Variants in KIF26B observed in about 807,000 individuals in gnomAD.
KIF26B encodes kinesin-like protein KIF26B.
In KIF26B, 63 loss-of-function variants were observed where a neutral mutation model predicts 151.2. That is an observed-to-expected ratio of 0.42 (90% confidence interval 0.34 to 0.51). The LOEUF is 0.51. KIF26B is among the 20% of genes least tolerant of loss of function. The pLI, the probability that KIF26B is intolerant of heterozygous loss-of-function variation, is 0.07. For synonymous variants in KIF26B, 1,357 were observed against 1,262.1 expected (o/e 1.08, Z -1.59); for missense variants, 2,813 against 2,913.6 (o/e 0.97, Z 0.79).
At chr1:245,568,184 C>CAAAAAAAAAAAAA (rs61494632) in intron 5 of KIF26B, among the ~76,000 whole-genome samples, 1 of 28,704 alleles carries the variant, frequency 3.5e-5, no homozygotes, top group African/African-American at 1.3e-4. Flanking sequence ...AACTCCATCT[C>CAAAAAAAAAAAAA]AAAAAAAAAA....
Position 245,194,122 on chromosome 1 carries a change from G to A in KIF26B, c.465+37439G>A, listed in dbSNP as rs567846639. Among the ~76,000 whole-genome samples, 17 of 152,300 alleles carry A rather than the reference G, an allele frequency of 1.1e-4. No individual in the cohort carries two copies. The South Asian group carries it at 2.1e-3, about 19-fold the overall frequency. The stretch of plus-strand genomic sequence containing the variant: ...GGAAAATGTGATTTTGTAGGAAGGC[G>A]TATGGTAGTTTCTTCCATATAAGGC... On this transcript the variant is annotated intron_variant, in intron 2 of 14. Transcript: ENST00000407071.
At chr1:245,489,327 A>G (rs187504141) in intron 4 of KIF26B, among the ~76,000 whole-genome samples, 128 of 152,336 alleles carry the variant, frequency 8.4e-4, no homozygotes, top group African/African-American at 3.0e-3. Context: ...ATGAATAAAC[A>G]TGGACTGGAC....
At chr1:245,207,222 A>G (rs1285985162) in intron 2 of KIF26B, among the ~76,000 whole-genome samples, 1 of 152,194 alleles carries the variant, frequency 6.6e-6, no homozygotes, top group East Asian at 1.9e-4. Context: ...CAAAAAAGAG[A>G]TTTCTCAGCA....
chr1:245,164,518 C>T (rs577485606), intron 2 of KIF26B, among the ~76,000 whole-genome samples: 4 of 152,344 alleles, frequency 2.6e-5, no homozygotes, highest in South Asian at 4.1e-4. Flanking sequence ...AGGCAAGGAA[C>T]GTGGCGAAGC....
At chr1:245,637,822 T>G (rs1381740144) in intron 9 of KIF26B, among the ~76,000 whole-genome samples, 3 of 151,990 alleles carry the variant, frequency 2.0e-5, no homozygotes, top group Non-Finnish European at 4.4e-5. Flanking sequence ...AGTGCATAGA[T>G]TTATTTCTGG....
At chr1:245,387,711 T>TA (rs1018847848) in intron 3 of KIF26B, among the ~76,000 whole-genome samples, 2 of 151,804 alleles carry the variant, frequency 1.3e-5, no homozygotes, top group African/African-American at 4.8e-5. Flanking sequence ...CGCAACAAAC[T>TA]AAAAAAAATC....
chr1:245,313,483 G>A (rs765488222), intron 2 of KIF26B, among the ~76,000 whole-genome samples: 2 of 152,218 alleles, frequency 1.3e-5, no homozygotes, highest in Non-Finnish European at 2.9e-5. Flanking sequence ...AGCCCTGCCC[G>A]ATGCACGGGC....
At position 245,708,465 on chromosome 1, in the gene KIF26B, G is replaced by T. The variant is rs1422874531; in HGVS notation, c.*5859G>T. On this transcript the variant is annotated 3_prime_UTR_variant, in exon 15 of 15. Transcript: ENST00000407071. ...ACATGAACACATACCATTCCTCTAAGGTGTGTGTACATACACGGATGTGTG... is the reference window on the plus strand; with the variant it reads ...ACATGAACACATACCATTCCTCTAATGTGTGTGTACATACACGGATGTGTG... 1 of 152,188 alleles carries T rather than the reference G, an allele frequency of 6.6e-6. No individual in the cohort carries two copies. The highest frequency in any genetic ancestry group is 1.5e-5 in the Non-Finnish European group (1 of 68,042). The allele number at this position is 152,188 out of a possible 1,614,324, so 9.4% of individuals were successfully genotyped here.
chr1:245,443,848 C>T (rs375508812), intron 4 of KIF26B, among the ~76,000 whole-genome samples: 144 of 31,626 alleles, frequency 4.6e-3, no homozygotes, highest in Middle Eastern at 0.045. Context: ...GGTCATCTCC[C>T]TCACTGTTCA....
intron 2 of KIF26B, among the ~76,000 whole-genome samples, chr1:245,266,982 TCTTATC>T (rs1670758786): frequency 6.6e-6 from 1 of 152,212 alleles, no homozygotes; most frequent in Non-Finnish European, 1.5e-5. Flanking sequence ...GTGGGCCTGG[TCTTATC>T]CTTATCCTTT....
intron 4 of KIF26B, among the ~76,000 whole-genome samples, chr1:245,506,079 G>A (rs4658782): frequency 0.24 from 36,365 of 152,008 alleles, 4,703 homozygotes; most frequent in Middle Eastern, 0.39. Flanking sequence ...TATTTCCATC[G>A]AATTTTAGCT....
chr1:245,214,611 A>G (rs528824950), intron 2 of KIF26B, among the ~76,000 whole-genome samples: 1 of 151,744 alleles, frequency 6.6e-6, no homozygotes, highest in South Asian at 2.1e-4. Context: ...ATGTGAGGCA[A>G]GTGGATCACC....
intron 4 of KIF26B, among the ~76,000 whole-genome samples, chr1:245,514,617 G>A (rs563360198): frequency 6.6e-6 from 1 of 152,248 alleles, no homozygotes; most frequent in South Asian, 2.1e-4. Context: ...TAAATTTGGA[G>A]AATGACCTGT....
chr1:245,385,345 T>C (rs1474860746), intron 3 of KIF26B, among the ~76,000 whole-genome samples: 1 of 152,236 alleles, frequency 6.6e-6, no homozygotes, highest in Non-Finnish European at 1.5e-5. Context: ...TTGGTACAAA[T>C]ATATTGATTA....
rs146017670 is a variant in KIF26B at position 245,621,244 on chromosome 1, T to C, written c.2098+9268T>C. 5.6e-4 allele frequency among the ~76,000 whole-genome samples: 86 copies of C among 152,342 alleles called. 1 individual carries two copies. Among genetic ancestry groups the C allele is most frequent in the African/African-American group, 1.9e-3 (81 of 41,580 alleles). On this transcript the variant is annotated intron_variant, in intron 9 of 14. Coordinates refer to ENST00000407071, the MANE Select transcript of KIF26B (RefSeq NM_018012.4). Reference sequence around the variant, plus strand: ...GCGAGTTAAAAGAGCTTCTGCATGCTTTCTGGTTAGCTTCGGATTTTCATC... The same window carrying C: ...GCGAGTTAAAAGAGCTTCTGCATGCCTTCTGGTTAGCTTCGGATTTTCATC...
At chr1:245,389,797 C>T (rs1244355969) in intron 3 of KIF26B, among the ~76,000 whole-genome samples, 2 of 152,152 alleles carry the variant, frequency 1.3e-5, no homozygotes, top group Admixed American at 6.5e-5. Context: ...ATATGAGAGA[C>T]GCCAGCCCAA....
chr1:245,600,159 C>T, intron 5 of KIF26B, among the ~76,000 whole-genome samples: 1 of 132,986 alleles, frequency 7.5e-6, no homozygotes, highest in African/African-American at 2.9e-5. Flanking sequence ...CTGCCTCAGC[C>T]TCCCGAGTAG....
intron 10 of KIF26B, among the ~76,000 whole-genome samples, chr1:245,678,869 GAAAA>G (rs35030829): frequency 1.4e-5 from 2 of 142,974 alleles, no homozygotes; most frequent in Non-Finnish European, 3.1e-5. Flanking sequence ...TCTCAAAAAA[GAAAA>G]AAAAAAAAGC....
chr1:245,155,457 TG>T lies in KIF26B; in HGVS notation c.34del (p.Ala12ArgfsTer11). 3 of 1,612,494 alleles carry T rather than the reference TG, an allele frequency of 1.9e-6. No individual in the cohort carries two copies. The highest frequency in any genetic ancestry group is 2.5e-6 in the Non-Finnish European group (3 of 1,179,274). Reference protein sequence around the residue: ...NSVAGNKERLAVSTRGKKYGV... With the variant: ...NSVAGNKERLXVSTRGKKYGV... The stretch of plus-strand genomic sequence containing the variant: ...CGGTAGCTGGGAATAAAGAGAGGCT[TG>T]CGGTCTCCACCAGGGGCAAGAAATA... On this transcript the variant is annotated frameshift_variant, in exon 1 of 15. Coordinates refer to ENST00000407071, the MANE Select transcript of KIF26B (RefSeq NM_018012.4). LOFTEE classifies it high-confidence loss of function.
Sources: gnomAD v4.1 joint callset for allele counts (sites outside exome capture counted in the v4.1 genomes callset) on GRCh38, gnomAD v4.1.1 for gene constraint, MANE v1.5 for transcripts, NCBI Gene and HGNC (gene_info 2026-07-23, HGNC 2026-07-21) for gene names.